TSPEAR: variants seen among roughly 807,000 people sequenced by gnomAD.
TSPEAR encodes the protein thrombospondin type laminin G domain and EAR repeats.
A neutral mutation model predicts 71.6 loss-of-function variants in TSPEAR; 69 were observed. That is an observed-to-expected ratio of 0.96 (90% CI 0.79 to 1.18). The LOEUF is 1.18. TSPEAR is among the 50% of genes most tolerant of loss of function. The pLI, the probability that TSPEAR is intolerant of heterozygous loss-of-function variation, is 0.00. For synonymous variants in TSPEAR, 402 were observed against 387.2 expected (o/e 1.04, Z -0.45); for missense variants, 971 against 894.9 (o/e 1.09, Z -1.09).
intron 1 of TSPEAR, among the ~76,000 whole-genome samples, chr21:44,634,202 T>A (rs946054430): frequency 6.6e-6 from 1 of 152,204 alleles, no homozygotes; most frequent in Non-Finnish European, 1.5e-5. Flanking sequence ...TGAGTTATGA[T>A]TGTGCCACTG....
At chr21:44,530,007 C>T (rs1555915562) in intron 4 of TSPEAR, 53 bp from the exon 5 acceptor site, 2 of 1,479,998 alleles carry the variant, frequency 1.4e-6, no homozygotes, top group East Asian at 4.8e-5. Flanking sequence ...GAAGGACCCG[C>T]TGAGGAGGCG....
At chr21:44,569,157 C>T (rs868967000) in intron 1 of TSPEAR, among the ~76,000 whole-genome samples, 4 of 152,230 alleles carry the variant, frequency 2.6e-5, no homozygotes, top group South Asian at 2.1e-4. Context: ...GACTTCGATC[C>T]TCTGTGTCCT....
chr21:44,539,573 C>T (rs781829519), intron 2 of TSPEAR: 7 of 1,613,524 alleles, frequency 4.3e-6, no homozygotes, highest in Admixed American at 3.3e-5. Flanking sequence ...GGGCTTGCAG[C>T]AGACAGGCTT....
At chr21:44,615,779 A>G (rs1280975080) in intron 1 of TSPEAR, among the ~76,000 whole-genome samples, 3 of 152,156 alleles carry the variant, frequency 2.0e-5, no homozygotes, top group Non-Finnish European at 4.4e-5. Flanking sequence ...ATTTCCCAAA[A>G]AGCTCCCCAA....
intron 1 of TSPEAR, among the ~76,000 whole-genome samples, chr21:44,633,978 C>T (rs907433992): frequency 1.3e-5 from 2 of 152,074 alleles, no homozygotes; most frequent in African/African-American, 2.4e-5. Context: ...AAAATGATGG[C>T]TTATGCCTGT....
intron 1 of TSPEAR, among the ~76,000 whole-genome samples, chr21:44,569,862 G>T (rs1555922280): frequency 6.6e-6 from 1 of 152,094 alleles, no homozygotes; most frequent in African/African-American, 2.4e-5. Flanking sequence ...TCTTGGTGTG[G>T]GGGGATTCTG....
intron 1 of TSPEAR, among the ~76,000 whole-genome samples, chr21:44,678,643 T>C (rs182087249): frequency 1.5e-4 from 23 of 152,274 alleles, no homozygotes; most frequent in Admixed American, 1.4e-3. Flanking sequence ...AGGTAAGAGA[T>C]AGAAATAAAA....
At chr21:44,652,910 A>C (rs150105643) in intron 1 of TSPEAR, among the ~76,000 whole-genome samples, 8,665 of 152,258 alleles carry the variant, frequency 0.057, 263 homozygotes, top group Middle Eastern at 0.092. Context: ...TAATCCCAGC[A>C]CTTTGGGAGG....
intron 2 of TSPEAR, chr21:44,557,767 A>G: frequency 2.0e-6 from 1 of 490,258 alleles, no homozygotes; most frequent in Non-Finnish European, 3.6e-6. Context: ...AGGGTTTGCC[A>G]GATATGCAAA....
In TSPEAR at chr21:44,662,627, G is replaced by A. The variant is rs968875114; in HGVS notation, c.82+48806C>T. On this transcript the variant is annotated intron_variant, in intron 1 of 11. Coordinates refer to ENST00000323084, the MANE Select transcript of TSPEAR (RefSeq NM_144991.3). ...CACTGTCAATCAACTTGACCTAATG[G>A]ATATTGACAGAACACTCCACCCAAC... is the stretch of plus-strand genomic sequence containing the variant. Among the ~76,000 whole-genome samples, 7 of 152,248 alleles carry A rather than the reference G, an allele frequency of 4.6e-5. No homozygotes were observed. The East Asian group carries it at 1.4e-3, about 29-fold the overall frequency.
chr21:44,641,421 G>C lies in TSPEAR; in HGVS notation c.82+70012C>G, dbSNP rs77657996. Among the ~76,000 whole-genome samples the C allele has an allele frequency of 9.2e-3, 1,400 of 152,272 alleles. 27 individuals are homozygous for C. The highest frequency in any genetic ancestry group is 0.032 in the African/African-American group (1,314 of 41,550). ...CCCTGAAAGCAGAATTGCTGATACA[G>C]TGACCCCAGTTCAGGCAAGGATTGA... is the stretch of plus-strand genomic sequence containing the variant. On this transcript the variant is annotated intron_variant, in intron 1 of 11. Coordinates refer to ENST00000323084, the MANE Select transcript of TSPEAR (RefSeq NM_144991.3).
intron 1 of TSPEAR, among the ~76,000 whole-genome samples, chr21:44,607,572 G>A (rs1281461258): frequency 1.3e-5 from 2 of 152,212 alleles, no homozygotes; most frequent in African/African-American, 4.8e-5. Context: ...CGGGAACGGG[G>A]TAAAAATGCC....
intron 1 of TSPEAR, among the ~76,000 whole-genome samples, chr21:44,667,955 C>G (rs1179663890): frequency 6.6e-6 from 1 of 152,192 alleles, no homozygotes; most frequent in African/African-American, 2.4e-5. Context: ...CCACAGCAAG[C>G]CTCATACCCA....
At chr21:44,706,351 G>A (rs954767652) in intron 1 of TSPEAR, among the ~76,000 whole-genome samples, 1 of 144,560 alleles carries the variant, frequency 6.9e-6, no homozygotes, top group Non-Finnish European at 1.5e-5. Context: ...CCATGCACAC[G>A]CACCCACTTG....
At chr21:44,698,190 T>C in intron 1 of TSPEAR, 1 of 591,464 alleles carries the variant, frequency 1.7e-6, no homozygotes, top group Non-Finnish European at 3.0e-6. Flanking sequence ...CCCTGTGGTC[T>C]CGCCTCCTTG....
At chr21:44,551,469 G>A (rs587691758) in intron 2 of TSPEAR, 1 of 1,600,646 alleles carries the variant, frequency 6.2e-7, no homozygotes, top group South Asian at 1.1e-5. Flanking sequence ...GCTGGAGTGG[G>A]GAGGAGGTGA....
At chr21:44,658,201 G>T (rs782353512) in intron 1 of TSPEAR, 1 of 1,614,030 alleles carries the variant, frequency 6.2e-7, no homozygotes. Context: ...AATCTTCGGG[G>T]TGCTGCCAGC....
At chr21:44,552,186 G>C (rs1235700739) in intron 2 of TSPEAR, among the ~76,000 whole-genome samples, 1 of 152,282 alleles carries the variant, frequency 6.6e-6, no homozygotes, top group East Asian at 1.9e-4. Flanking sequence ...TCCAGGCCTG[G>C]GGGTGGGGAG....
chr21:44,548,734 G>A (rs587627028), intron 2 of TSPEAR, among the ~76,000 whole-genome samples: 4 of 152,248 alleles, frequency 2.6e-5, no homozygotes, highest in African/African-American at 7.2e-5. Flanking sequence ...ACAGTTCCCC[G>A]CTGCACCATT....
Sources: allele counts gnomAD v4.1 joint callset (sites outside exome capture counted in the v4.1 genomes callset), GRCh38; gene constraint gnomAD v4.1.1; transcripts MANE v1.5; gene names NCBI Gene and HGNC (gene_info 2026-07-23, HGNC 2026-07-21).